CDH8: variants seen among roughly 807,000 people sequenced by gnomAD.
CDH8 encodes cadherin 8, also known as cadherin-8.
Under a neutral mutation model 68.1 loss-of-function variants are expected in CDH8, and 17 were observed. That is an observed-to-expected ratio of 0.25 (90% CI 0.17 to 0.37). The LOEUF (loss-of-function observed/expected upper bound fraction) is 0.37, where lower values mean the gene tolerates loss of function less well. CDH8 is among the 10% of genes least tolerant of loss of function. The probability of loss-of-function intolerance (pLI) is 1.00; values close to 1 mark genes in which losing one functional copy is unlikely to be tolerated. For synonymous variants in CDH8, 372 were observed against 365.1 expected, an observed-to-expected ratio of 1.02 and a Z score of -0.21; for missense variants, 763 against 999.3, an observed-to-expected ratio of 0.76 and a Z score of 3.19.
chr16:61,715,371 T>C (rs1369643687), intron 9 of CDH8, among the ~76,000 whole-genome samples: 1 of 151,566 alleles, frequency 6.6e-6, no homozygotes, highest in Non-Finnish European at 1.5e-5. Flanking sequence ...TTGTGGCTCA[T>C]TGTGTGACAT....
chr16:61,801,737 C>A (rs150587663), intron 7 of CDH8, among the ~76,000 whole-genome samples: 10 of 152,178 alleles, frequency 6.6e-5, no homozygotes, highest in African/African-American at 2.2e-4. Context: ...CACTCCCACC[C>A]GAATATTGCC....
intron 2 of CDH8, among the ~76,000 whole-genome samples, chr16:62,019,108 G>C (rs1902012124): frequency 6.6e-6 from 1 of 152,190 alleles, no homozygotes; most frequent in South Asian, 2.1e-4. Context: ...AAGGAACAAA[G>C]CATCCACTAT....
At chr16:61,843,444 T>A (rs72798748) in intron 4 of CDH8, among the ~76,000 whole-genome samples, 13,516 of 152,162 alleles carry the variant, frequency 0.089, 751 homozygotes, top group African/African-American at 0.14. Context: ...TCCTTAGATA[T>A]AAAGAAATGG....
Position 61,648,648 on chromosome 16 carries a change from G to T in CDH8, c.*4960C>A, listed in dbSNP as rs997357987. 6.6e-6 allele frequency: 1 copy of T among 151,822 alleles called. No individual in the cohort carries two copies. Among genetic ancestry groups the T allele is most frequent in the Non-Finnish European group, 1.5e-5 (1 of 67,880 alleles). The allele number at this position is 151,822 out of a possible 1,614,324, so 9.4% of individuals were successfully genotyped here. Reference sequence around the variant, plus strand: ...TTCAACAATTAGTTCTTATGAGATTGATTAGGTACATTTTATAAATAAAGA... The same window carrying T: ...TTCAACAATTAGTTCTTATGAGATTTATTAGGTACATTTTATAAATAAAGA... On this transcript the variant is annotated 3_prime_UTR_variant, in exon 12 of 12. Transcript: ENST00000577390.
chr16:61,845,254 T>C (rs1367955855), intron 4 of CDH8, among the ~76,000 whole-genome samples: 1 of 152,120 alleles, frequency 6.6e-6, no homozygotes. Flanking sequence ...AACACAGTCA[T>C]TTATTATTAT....
chr16:61,752,474 T>A lies in CDH8; in HGVS notation c.1415-25259A>T, dbSNP rs537297410. On this transcript the variant is annotated intron_variant, in intron 8 of 11. Transcript: ENST00000577390. Reference sequence around the variant, plus strand: ...AACTACTCTAAGTTTTAACAAAGAATTAGGCTTGGGTTATTAACTTTAAAG... The same window carrying A: ...AACTACTCTAAGTTTTAACAAAGAAATAGGCTTGGGTTATTAACTTTAAAG... Among the ~76,000 whole-genome samples the A allele has an allele frequency of 5.9e-5, 9 of 152,290 alleles. No individual in the cohort carries two copies. The East Asian group carries it at 1.7e-3, about 29-fold the overall frequency.
chr16:61,749,308 C>T (rs1361977384), intron 8 of CDH8, among the ~76,000 whole-genome samples: 5 of 151,948 alleles, frequency 3.3e-5, no homozygotes. Context: ...TCTGTCTATA[C>T]CATGAATCTT....
At chr16:62,024,697 A>T (rs1416885967) in intron 1 of CDH8, among the ~76,000 whole-genome samples, 1 of 152,236 alleles carries the variant, frequency 6.6e-6, no homozygotes, top group African/African-American at 2.4e-5. Flanking sequence ...CACGAATAGT[A>T]TCCACTAACA....
intron 8 of CDH8, among the ~76,000 whole-genome samples, chr16:61,742,577 T>C (rs1034715013): frequency 2.0e-5 from 3 of 152,212 alleles, no homozygotes; most frequent in Non-Finnish European, 2.9e-5. Flanking sequence ...TAACTTTTTC[T>C]GCATCTATAA....
intron 2 of CDH8, among the ~76,000 whole-genome samples, chr16:61,992,079 A>T (rs75296439): frequency 2.7e-3 from 186 of 69,186 alleles, no homozygotes; most frequent in Admixed American, 4.5e-3. Context: ...TGTGTGTGTG[A>T]GAGAGAGAGA....
At chr16:61,762,236 T>C (rs1160472387) in intron 8 of CDH8, among the ~76,000 whole-genome samples, 2 of 152,114 alleles carry the variant, frequency 1.3e-5, no homozygotes, top group South Asian at 2.1e-4. Flanking sequence ...ACAAGGACAA[T>C]TGGGGCTATC....
At chr16:61,898,496 A>C (rs1338783060) in intron 3 of CDH8, among the ~76,000 whole-genome samples, 1 of 152,182 alleles carries the variant, frequency 6.6e-6, no homozygotes, top group East Asian at 1.9e-4. Flanking sequence ...AATCAAATGA[A>C]GCAGACCATG....
At chr16:61,703,227 C>G (rs751014888) in intron 10 of CDH8, among the ~76,000 whole-genome samples, 2 of 151,944 alleles carry the variant, frequency 1.3e-5, no homozygotes, top group Admixed American at 1.3e-4. Context: ...TTGTAGAATA[C>G]GTATTTATTT....
At chr16:61,725,370 A>C (rs1239423750) in intron 9 of CDH8, 1 of 150,918 alleles carries the variant, frequency 6.6e-6, no homozygotes, top group Non-Finnish European at 1.5e-5. Flanking sequence ...TCAATAACGC[A>C]AGTGAAGCCA....
intron 10 of CDH8, among the ~76,000 whole-genome samples, chr16:61,675,923 A>T (rs1385450040): frequency 6.6e-6 from 1 of 151,548 alleles, no homozygotes; most frequent in African/African-American, 2.4e-5. Context: ...TAATAAGTTG[A>T]CAGAAGACAT....
chr16:61,844,818 C>A (rs1452321684), intron 4 of CDH8, among the ~76,000 whole-genome samples: 2 of 152,104 alleles, frequency 1.3e-5, no homozygotes, highest in African/African-American at 4.8e-5. Flanking sequence ...CGACCTGTGG[C>A]ACATCAATAA....
chr16:61,873,130 T>G (rs1020063047), intron 3 of CDH8, among the ~76,000 whole-genome samples: 1 of 152,230 alleles, frequency 6.6e-6, no homozygotes, highest in Admixed American at 6.5e-5. Flanking sequence ...GGGTATGTCT[T>G]GTGTGAATGT....
rs74625174 is a variant in CDH8, at chr16:61,746,924, G to A, written c.1415-19709C>T. On this transcript the variant is annotated intron_variant, in intron 8 of 11. Coordinates refer to ENST00000577390, the MANE Select transcript of CDH8 (RefSeq NM_001796.5). Reference sequence around the variant, plus strand: ...TTAAATAAACAAATACATAATTCAAGATGAACGATTAGCAGAATTCAAGAT... The same window carrying A: ...TTAAATAAACAAATACATAATTCAAAATGAACGATTAGCAGAATTCAAGAT... 3.7e-3 allele frequency among the ~76,000 whole-genome samples: 570 copies of A among 152,174 alleles called. 9 individuals carry two copies. The highest frequency in any genetic ancestry group is 0.022 in the East Asian group (116 of 5,168).
intron 2 of CDH8, among the ~76,000 whole-genome samples, chr16:62,010,957 A>G (rs1202779128): frequency 6.8e-6 from 1 of 148,058 alleles, no homozygotes; most frequent in Non-Finnish European, 1.5e-5. Flanking sequence ...AAAAAAAAAC[A>G]AACCCTCTTT....
Sources: gnomAD v4.1 joint callset for allele counts (sites outside exome capture counted in the v4.1 genomes callset) on GRCh38, gnomAD v4.1.1 for gene constraint, MANE v1.5 for transcripts, NCBI Gene and HGNC (gene_info 2026-07-23, HGNC 2026-07-21) for gene names.